The following CBR4 variants were observed in gnomAD, a reference collection of about 807,000 sequenced individuals.
CBR4 encodes 3-oxoacyl-[acyl-carrier-protein] reductase.
CBR4 carries 22 observed loss-of-function variants against 21.0 expected under a neutral mutation model. That is an observed-to-expected ratio of 1.05 (90% CI 0.75 to 1.50). The LOEUF is 1.50. CBR4 is among the 40% of genes most tolerant of loss of function. CBR4 has a pLI of 0.00. For synonymous variants in CBR4, 100 were observed against 104.4 expected (o/e 0.96, Z 0.26); for missense variants, 302 against 286.3 (o/e 1.05, Z -0.40).
At chr4:168,962,519 A>G (rs1763891788) in intron 2 of CBR4, among the ~76,000 whole-genome samples, 1 of 152,236 alleles carries the variant, frequency 6.6e-6, no homozygotes, top group African/African-American at 2.4e-5. Flanking sequence ...TTGATCCACT[A>G]AATAATTGAG....
chr4:168,961,980 GAGGAGAGGAGAGGAA>G (rs1763874351), intron 2 of CBR4, among the ~76,000 whole-genome samples: 3 of 111,776 alleles, frequency 2.7e-5, no homozygotes, highest in South Asian at 2.7e-4. Flanking sequence ...GAGGAGAGGA[GAGGAGAGGAGAGGAA>G]AGGAAAGGAG....
At chr4:168,994,672 A>T (rs1332814433) in intron 4 of CBR4, among the ~76,000 whole-genome samples, 1 of 150,568 alleles carries the variant, frequency 6.6e-6, no homozygotes, top group East Asian at 2.0e-4. Flanking sequence ...TCTGCCTCCC[A>T]GGTTCAAGCA....
chr4:168,903,982 T>A, intron 2 of CBR4: 1 of 1,353,360 alleles, frequency 7.4e-7, no homozygotes, highest in South Asian at 1.2e-5. Flanking sequence ...AGGAACTATT[T>A]AAAAGGTGAA....
At chr4:169,002,733 A>G (rs1037462860) in intron 3 of CBR4, among the ~76,000 whole-genome samples, 2 of 143,028 alleles carry the variant, frequency 1.4e-5, no homozygotes, top group South Asian at 2.2e-4. Context: ...TGCTTTGCAG[A>G]TATTGCATTT....
chr4:168,912,767 C>T (rs1301309105), intron 2 of CBR4, among the ~76,000 whole-genome samples: 1 of 152,132 alleles, frequency 6.6e-6, no homozygotes, highest in Non-Finnish European at 1.5e-5. Flanking sequence ...TGAAAATACA[C>T]AATAAATTAT....
chr4:168,931,157 TC>T, intron 2 of CBR4, among the ~76,000 whole-genome samples: 1 of 152,058 alleles, frequency 6.6e-6, no homozygotes, highest in East Asian at 1.9e-4. Context: ...TAGCAAATTC[TC>T]CCAAAGCATA....
At chr4:168,905,314 A>AT (rs569538938) in intron 2 of CBR4, among the ~76,000 whole-genome samples, 7 of 149,522 alleles carry the variant, frequency 4.7e-5, no homozygotes, top group African/African-American at 1.5e-4. Context: ...TGCCCGGCTA[A>AT]TTTTTTTTTA....
intron 4 of CBR4, among the ~76,000 whole-genome samples, chr4:168,990,988 A>G (rs1448300903): frequency 6.6e-6 from 1 of 152,054 alleles, no homozygotes; most frequent in Non-Finnish European, 1.5e-5. Context: ...TGGGAGGTGG[A>G]GGTTGGAGTG....
At chr4:168,983,222 G>C (rs1764591987), downstream of CBR4, among the ~76,000 whole-genome samples, 1 of 151,936 alleles carries the variant, frequency 6.6e-6, no homozygotes, top group Non-Finnish European at 1.5e-5. Flanking sequence ...AATCAGAAAT[G>C]ACAAAGGGGA....
At chr4:168,955,629 G>C (rs569927145) in intron 2 of CBR4, among the ~76,000 whole-genome samples, 1 of 152,154 alleles carries the variant, frequency 6.6e-6, no homozygotes, top group Admixed American at 6.5e-5. Flanking sequence ...GATTACTATG[G>C]AAGGTAGCAC....
chr4:168,974,058 T>C (rs1465279129), intron 2 of CBR4, among the ~76,000 whole-genome samples: 1 of 152,216 alleles, frequency 6.6e-6, no homozygotes, highest in African/African-American at 2.4e-5. Flanking sequence ...TTTGGTGTAT[T>C]TCAAGATTTT....
chr4:168,923,587 T>TC (rs1319039504), intron 2 of CBR4, among the ~76,000 whole-genome samples: 2 of 17,430 alleles, frequency 1.1e-4, no homozygotes, highest in Admixed American at 8.1e-4. Context: ...TAAAGTTGTC[T>TC]TTTTTTTTTA....
intron 2 of CBR4, among the ~76,000 whole-genome samples, chr4:168,979,874 G>C (rs890091914): frequency 2.0e-5 from 3 of 152,018 alleles, no homozygotes; most frequent in African/African-American, 7.3e-5. Context: ...CCTCAGACTG[G>C]GGAAGAAAGA....
At chr4:169,000,716 AC>A (rs1466250560) in intron 4 of CBR4, among the ~76,000 whole-genome samples, 1 of 152,164 alleles carries the variant, frequency 6.6e-6, no homozygotes, top group Non-Finnish European at 1.5e-5. Context: ...TTACTCAAAA[AC>A]CAAGTAAATA....
At position 168,941,115 on chromosome 4, in the gene CBR4, A is replaced by G. The variant is rs535695988; in HGVS notation, n.170-46350T>C. On this transcript the variant is annotated intron_variant and non_coding_transcript_variant, in intron 2 of 3. Coordinates refer to the CBR4 transcript ENST00000509108. ...AACCAAACACCACATGTTCTCACTCATAAGTGGGAGTTGAAAACACATAGA... is the reference window on the plus strand; with the variant it reads ...AACCAAACACCACATGTTCTCACTCGTAAGTGGGAGTTGAAAACACATAGA... 2.2e-4 allele frequency among the ~76,000 whole-genome samples: 34 copies of G among 152,296 alleles called. No homozygotes were observed. The South Asian group carries it at 5.0e-3, about 22-fold the overall frequency.
At chr4:168,903,955 G>A in intron 2 of CBR4, 4 of 1,519,046 alleles carry the variant, frequency 2.6e-6, no homozygotes, top group Non-Finnish European at 3.7e-6. Context: ...AGTGCTTACA[G>A]GCATTTGATT....
At chr4:168,944,864 G>A (rs1183436338) in intron 2 of CBR4, among the ~76,000 whole-genome samples, 3 of 152,016 alleles carry the variant, frequency 2.0e-5, no homozygotes, top group Non-Finnish European at 4.4e-5. Context: ...AGCCTGTCAA[G>A]CAAATAAAAC....
chr4:168,934,273 C>CA lies in CBR4; in HGVS notation n.170-39509dup, dbSNP rs1206272373. Among the ~76,000 whole-genome samples, 47 of 10,650 alleles carry CA rather than the reference C, an allele frequency of 4.4e-3. 1 individual carries two copies. Among genetic ancestry groups the CA allele is most frequent in the South Asian group, 6.0e-3 (1 of 166 alleles). 7.0% of individuals were successfully genotyped at this position (10,650 alleles called of 152,430 possible). On this transcript the variant is annotated intron_variant and non_coding_transcript_variant, in intron 2 of 3. Transcript: ENST00000509108. ...CAAGTTTTAAAAGAAACTAGAAAAG[C>CA]AAAAAAAACAAAAAAAAAAAAAAAA... is the stretch of plus-strand genomic sequence containing the variant.
In CBR4 at chr4:168,951,858, G is replaced by A. The variant is rs139667525; in HGVS notation, n.169+50213C>T. On this transcript the variant is annotated intron_variant and non_coding_transcript_variant, in intron 2 of 3. Coordinates refer to the CBR4 transcript ENST00000509108. ...CGTAGCTCTTAAGATTCTTTCCTTC[G>A]TCTTAACTTTAGATAACCTGATGAC... 1.1e-3 allele frequency among the ~76,000 whole-genome samples: 167 copies of A among 152,166 alleles called. 1 individual carries two copies. Among genetic ancestry groups the A allele is most frequent in the African/African-American group, 3.5e-3 (144 of 41,524 alleles).
Sources: allele counts gnomAD v4.1 joint callset (sites outside exome capture counted in the v4.1 genomes callset), GRCh38; gene constraint gnomAD v4.1.1; transcripts MANE v1.5; gene names NCBI Gene and HGNC (gene_info 2026-07-23, HGNC 2026-07-21).